MAU2: variants seen among roughly 807,000 people sequenced by gnomAD.
The protein encoded by MAU2 is MAU2 sister chromatid cohesion factor, also known as MAU2 chromatid cohesion factor homolog.
A neutral mutation model predicts 89.1 loss-of-function variants in MAU2; 9 were observed. That is an observed-to-expected ratio of 0.10 (90% CI 0.06 to 0.18). The LOEUF (loss-of-function observed/expected upper bound fraction) is 0.18, where lower values mean the gene tolerates loss of function less well. MAU2 is among the 10% of genes least tolerant of loss of function. The probability of loss-of-function intolerance (pLI) is 1.00; values close to 1 mark genes in which losing one functional copy is unlikely to be tolerated. For synonymous variants in MAU2, 357 were observed against 343.4 expected (o/e 1.04, Z -0.44); for missense variants, 425 against 803.5 (o/e 0.53, Z 5.69).
Position 19,343,822 on chromosome 19 carries a change from G to T in MAU2, c.974-15G>T. On this transcript the variant is annotated splice_polypyrimidine_tract_variant and intron_variant, in intron 9 of 18. Transcript: ENST00000262815. ...TGGCCTCCCCTGCATGCTTACCCCT[G>T]ACTCTCACCCATAGTGCTGGACTGC... is the stretch of plus-strand genomic sequence containing the variant. 1 of 1,603,760 alleles carries T rather than the reference G, an allele frequency of 6.2e-7. No individual in the cohort carries two copies. Among genetic ancestry groups the T allele is most frequent in the South Asian group, 1.1e-5 (1 of 90,908 alleles).
chr19:19,350,817 A>ATG, intron 16 of MAU2, among the ~76,000 whole-genome samples: 1 of 151,814 alleles, frequency 6.6e-6, no homozygotes, highest in East Asian at 2.0e-4. Flanking sequence ...GGAGAATGGC[A>ATG]TGAACCAGGA....
rs775579874 is a variant in MAU2 at position 19,320,851 on chromosome 19, G to C, written c.-9G>C. The C allele has an allele frequency of 4.3e-5, 65 of 1,519,396 alleles. No homozygotes were observed. Among genetic ancestry groups the C allele is most frequent in the Non-Finnish European group, 5.7e-5 (65 of 1,144,310 alleles). 94.1% of individuals were successfully genotyped at this position (1,519,396 alleles called of 1,614,324 possible). On this transcript the variant is annotated 5_prime_UTR_variant, in exon 1 of 19. Transcript: ENST00000262815. The stretch of plus-strand genomic sequence containing the variant: ...CCTGTGGCGGCGGCTTGTTGTTGTG[G>C]AGGCCAAAATGGCGGCTCAGGCGGC...
rs2061682292 is a variant in MAU2 at position 19,345,075 on chromosome 19, T to C, written c.1155+149T>C. The C allele has an allele frequency of 2.5e-6, 2 of 789,388 alleles. No homozygotes were observed. The highest frequency in any genetic ancestry group is 3.2e-5 in the South Asian group (2 of 62,048). The allele number at this position is 789,388 out of a possible 1,614,324, so 48.9% of individuals were successfully genotyped here. ...TGTTCCCATAGGTAATCATATAACC[T>C]TCCCAGGCACGATCCGGAATGCTCC... On this transcript the variant is annotated intron_variant, in intron 11 of 18. Transcript: ENST00000262815. This position sits in a 1 kb window ranked among gnomAD's most constrained non-coding sequence, Gnocchi z 4.9.
intron 1 of MAU2, among the ~76,000 whole-genome samples, chr19:19,325,171 T>C (rs2061494427): frequency 6.6e-6 from 1 of 152,170 alleles, no homozygotes; most frequent in Non-Finnish European, 1.5e-5. Context: ...TTGTTACTTT[T>C]ATTTTATTTA....
chr19:19,335,908 C>T (rs935897843), intron 2 of MAU2, among the ~76,000 whole-genome samples, 173 bp downstream of exon 2: 3 of 152,202 alleles, frequency 2.0e-5, no homozygotes, highest in Admixed American at 2.0e-4. Context: ...CGCTGTGCTC[C>T]TCTTTGTGCT....
intron 16 of MAU2, chr19:19,354,090 A>G (rs1028580915): frequency 5.8e-6 from 3 of 519,490 alleles, no homozygotes; most frequent in African/African-American, 3.8e-5. Context: ...TTGAACAGGT[A>G]GAAGCCCCCA....
At chr19:19,322,532 C>G (rs962973601) in intron 1 of MAU2, among the ~76,000 whole-genome samples, 3 of 152,112 alleles carry the variant, frequency 2.0e-5, no homozygotes, top group East Asian at 1.9e-4. Context: ...CCCGGGAGGT[C>G]GTGGCTGCAG....
intron 1 of MAU2, among the ~76,000 whole-genome samples, chr19:19,325,336 C>T (rs2061495751): frequency 6.6e-6 from 1 of 151,994 alleles, no homozygotes; most frequent in Non-Finnish European, 1.5e-5. Flanking sequence ...CCACCACGCC[C>T]AGCTAATTTT....
intron 13 of MAU2, chr19:19,348,580 C>G: frequency 3.7e-6 from 2 of 537,142 alleles, no homozygotes; most frequent in Non-Finnish European, 6.7e-6. Context: ...CGGGCCCCAG[C>G]CTGCCAACCT....
At chr19:19,347,014 C>A in intron 12 of MAU2, 1 of 436,396 alleles carries the variant, frequency 2.3e-6, no homozygotes, top group Non-Finnish European at 4.1e-6. Context: ...GGACCAAAAC[C>A]CGACATGTTC....
At chr19:19,332,404 G>A (rs1283660021) in intron 1 of MAU2, among the ~76,000 whole-genome samples, 1 of 151,318 alleles carries the variant, frequency 6.6e-6, no homozygotes, top group South Asian at 2.1e-4. Flanking sequence ...AAAAAGAGGG[G>A]CTTTATCTAA....
intron 12 of MAU2, 44 bp from the exon 13 acceptor site, chr19:19,347,236 C>A: frequency 7.7e-7 from 1 of 1,301,762 alleles, no homozygotes; most frequent in Non-Finnish European, 1.1e-6. Flanking sequence ...ACATGGGTCA[C>A]AGCACCCGAC....
chr19:19,342,073 A>T (rs1039369071), intron 7 of MAU2, among the ~76,000 whole-genome samples: 1 of 152,206 alleles, frequency 6.6e-6, no homozygotes, highest in African/African-American at 2.4e-5. Flanking sequence ...GACACAGAGC[A>T]GACTGCAGCC....
intron 16 of MAU2, among the ~76,000 whole-genome samples, chr19:19,349,883 C>G (rs2061727483): frequency 6.6e-6 from 1 of 152,090 alleles, no homozygotes; most frequent in Non-Finnish European, 1.5e-5. Flanking sequence ...GGTCCCCACC[C>G]AAGGTCAGCC....
rs778232798 is a variant in MAU2 at position 19,340,831 on chromosome 19, C to T, written c.552-15C>T. Reference sequence around the variant, plus strand: ...TGGGCCTGCTAGGACCTGACCCCTGCCTCTTGTTTTGCAGGGCGCTGTTCC... The same window carrying T: ...TGGGCCTGCTAGGACCTGACCCCTGTCTCTTGTTTTGCAGGGCGCTGTTCC... On this transcript the variant is annotated splice_polypyrimidine_tract_variant and intron_variant, in intron 5 of 18. Transcript: ENST00000262815. 13 of 1,613,240 alleles carry T rather than the reference C, an allele frequency of 8.1e-6. No individual in the cohort carries two copies. The South Asian group carries it at 1.4e-4, about 18-fold the overall frequency.
intron 1 of MAU2, among the ~76,000 whole-genome samples, chr19:19,322,922 C>A (rs1358413124): frequency 6.6e-6 from 1 of 152,020 alleles, no homozygotes. Flanking sequence ...CGGAGTTTCG[C>A]TCTTGTTGCC....
At chr19:19,341,570 C>T in intron 7 of MAU2, among the ~76,000 whole-genome samples, 163 bp downstream of exon 7, 1 of 152,248 alleles carries the variant, frequency 6.6e-6, no homozygotes, top group East Asian at 1.9e-4. Context: ...CTGTCCTGCT[C>T]TGCCACGAGT....
chr19:19,345,396 C>T lies in MAU2; in HGVS notation c.1221+27C>T, dbSNP rs751882475. 2.9e-5 allele frequency: 46 copies of T among 1,610,344 alleles called. No homozygotes were observed. Among genetic ancestry groups the T allele is most frequent in the Non-Finnish European group, 3.3e-5 (39 of 1,178,112 alleles). On this transcript the variant is annotated intron_variant, in intron 12 of 18. Transcript: ENST00000262815. This position sits in a 1 kb window ranked among gnomAD's most constrained non-coding sequence, Gnocchi z 4.9. ...TAAGGTGCCGGCCCTCCTTGCTGCT[C>T]GGGGCGGGCCACACTTCTGAGTAAG...
In MAU2 at chr19:19,347,298, C is replaced by T. The variant is rs1455981800; in HGVS notation, c.1240C>T (p.Leu414=). 6.2e-7 allele frequency: 1 copy of T among 1,613,724 alleles called. No individual in the cohort carries two copies. The highest frequency in any genetic ancestry group is 1.3e-5 in the African/African-American group (1 of 74,900). The change falls in exon 13 of 19, where the codon CTG becomes TTG. Residue 414 remains leucine, a synonymous_variant. Transcript: ENST00000262815. ...ATTCCAGCTCACCAACCACCAGGAG[C>T]TGTGGGCCTTCATCGTCACCAACCT... ...TALRLTNHQE[L]WAFIVTNLAS... is the part of the protein sequence containing the mutation.
Sources: gnomAD v4.1 joint callset for allele counts (sites outside exome capture counted in the v4.1 genomes callset) on GRCh38, gnomAD v4.1.1 for gene constraint, Gnocchi (gnomAD v3.1) non-coding constraint, MANE v1.5 for transcripts, NCBI Gene and HGNC (gene_info 2026-07-23, HGNC 2026-07-21) for gene names.